C12orf42: variants seen among roughly 807,000 people sequenced by gnomAD.
C12orf42 encodes the protein chromosome 12 open reading frame 42, also known as uncharacterized protein C12orf42.
A neutral mutation model predicts 21.6 loss-of-function variants in C12orf42; 25 were observed. That is an observed-to-expected ratio of 1.16 (90% CI 0.84 to 1.62). The LOEUF is 1.62. Ranked by LOEUF, C12orf42 falls within the 40% of genes most tolerant of loss-of-function variation. The pLI is 0.00. For synonymous variants in C12orf42, 174 were observed against 175.0 expected (o/e 0.99, Z 0.05); for missense variants, 483 against 459.3 (o/e 1.05, Z -0.47).
upstream of C12orf42, among the ~76,000 whole-genome samples, chr12:103,497,236 A>G (rs145846565): frequency 4.0e-3 from 610 of 152,346 alleles, 3 homozygotes; most frequent in African/African-American, 0.014. Context: ...GAAGGGGAAA[A>G]GGTTTGTATG....
chr12:103,293,811 C>T (rs1450292028), intron 4 of C12orf42, among the ~76,000 whole-genome samples: 2 of 152,088 alleles, frequency 1.3e-5, no homozygotes, highest in Non-Finnish European at 2.9e-5. Flanking sequence ...TGAGAATACT[C>T]ATGTGTTCAG....
At chr12:103,552,947 G>A in the C12orf42 span, among the ~76,000 whole-genome samples, 1 of 152,104 alleles carries the variant, frequency 6.6e-6, no homozygotes, top group South Asian at 2.1e-4. Context: ...CAGATCTTAT[G>A]AGAACTCACT....
intron 3 of C12orf42, among the ~76,000 whole-genome samples, chr12:103,369,574 G>C (rs1314252201): frequency 6.6e-6 from 1 of 151,542 alleles, no homozygotes; most frequent in Non-Finnish European, 1.5e-5. Context: ...GAGAGGCAGG[G>C]GATAGGGAAG....
At chr12:103,201,930 C>A in the C12orf42 span, among the ~76,000 whole-genome samples, 55,748 of 151,408 alleles carry the variant, frequency 0.37, 10,932 homozygotes, top group South Asian at 0.45. Flanking sequence ...AGTAATTAGC[C>A]AAAAAAAAGC....
intron 3 of C12orf42, among the ~76,000 whole-genome samples, chr12:103,372,223 C>T (rs555382869): frequency 9.2e-5 from 14 of 152,246 alleles, no homozygotes; most frequent in African/African-American, 3.4e-4. Flanking sequence ...CAGTTCACCT[C>T]CGTTGAATTC....
chr12:103,199,435 A>G, the C12orf42 span, among the ~76,000 whole-genome samples: 8 of 152,336 alleles, frequency 5.3e-5, no homozygotes, highest in East Asian at 1.5e-3. Context: ...ATATGACACA[A>G]AAAACACAGG....
the C12orf42 span, among the ~76,000 whole-genome samples, chr12:103,223,678 G>T: frequency 6.6e-6 from 1 of 152,268 alleles, no homozygotes; most frequent in South Asian, 2.1e-4. Context: ...CTAGACAGAA[G>T]ATAGTAGGGA....
the C12orf42 span, among the ~76,000 whole-genome samples, chr12:103,204,061 C>G: frequency 6.6e-6 from 1 of 152,190 alleles, no homozygotes; most frequent in Non-Finnish European, 1.5e-5. Context: ...TCCCACTATG[C>G]AGGCACAGCT....
At chr12:103,450,073 A>ACCTAAT (rs1951843225) in intron 2 of C12orf42, among the ~76,000 whole-genome samples, 1 of 152,000 alleles carries the variant, frequency 6.6e-6, no homozygotes, top group Non-Finnish European at 1.5e-5. Context: ...TTAATTGTAT[A>ACCTAAT]TATTGATTAG....
chr12:103,515,977 G>T, the C12orf42 span, among the ~76,000 whole-genome samples: 1 of 152,194 alleles, frequency 6.6e-6, no homozygotes, highest in Non-Finnish European at 1.5e-5. Flanking sequence ...AGATGCACGT[G>T]CTGGATTGAG....
At chr12:103,088,379 A>G in the C12orf42 span, among the ~76,000 whole-genome samples, 6 of 152,240 alleles carry the variant, frequency 3.9e-5, no homozygotes, top group African/African-American at 1.4e-4. Flanking sequence ...GCCTGGAGTT[A>G]AACATTTATT....
chr12:103,368,278 C>G lies in C12orf42; in HGVS notation c.259+609G>C, dbSNP rs111899983. Reference sequence around the variant, plus strand: ...GGAAATCATCCTTCTACTATTCTCTCTCTTTATCTGCCTTTCTCTCTCTTT... The same window carrying G: ...GGAAATCATCCTTCTACTATTCTCTGTCTTTATCTGCCTTTCTCTCTCTTT... On this transcript the variant is annotated intron_variant, in intron 4 of 5. Transcript: ENST00000548883. 5.2e-3 allele frequency among the ~76,000 whole-genome samples: 787 copies of G among 151,370 alleles called. 4 individuals are homozygous for G. The highest frequency in any genetic ancestry group is 0.018 in the African/African-American group (739 of 41,174).
chr12:103,206,059 G>T, the C12orf42 span, among the ~76,000 whole-genome samples: 37 of 152,278 alleles, frequency 2.4e-4, no homozygotes, highest in African/African-American at 7.7e-4. Flanking sequence ...TCTTGGCCAC[G>T]GGGAACTTCT....
intron 10 of C12orf42, among the ~76,000 whole-genome samples, chr12:103,259,071 T>C (rs2034761762): frequency 6.6e-6 from 1 of 152,156 alleles, no homozygotes; most frequent in Non-Finnish European, 1.5e-5. Flanking sequence ...GGTACATGGA[T>C]AGGCAAACAG....
the C12orf42 span, among the ~76,000 whole-genome samples, chr12:103,118,818 C>T: frequency 7.4e-6 from 1 of 135,636 alleles, no homozygotes; most frequent in Non-Finnish European, 1.6e-5. Flanking sequence ...TAGTTTTATA[C>T]TATCAGATGG....
At chr12:103,264,604 A>G (rs551775186), downstream of C12orf42, among the ~76,000 whole-genome samples, 54 of 152,168 alleles carry the variant, frequency 3.5e-4, no homozygotes, top group African/African-American at 1.2e-3. Flanking sequence ...AATTCCTCCA[A>G]CCTGACATTG....
rs202209834 is a variant in C12orf42, at chr12:103,302,243, G to T, written c.948C>A (p.Ala316=). The T allele has an allele frequency of 9.3e-5, 150 of 1,612,000 alleles. 1 individual carries two copies. The Admixed American group carries it at 1.0e-3, about 11-fold the overall frequency. Residue 316 remains alanine, a synonymous_variant, in exon 6 of 6, where the codon GCC becomes GCA. Transcript: ENST00000548883. Reference sequence around the variant, plus strand: ...TGGAGGGGAAATGGGTGGAAGCACCGGCCAGCAGAGGAAGGGGCGCTCCTG... The same window carrying T: ...TGGAGGGGAAATGGGTGGAAGCACCTGCCAGCAGAGGAAGGGGCGCTCCTG... ...NLAGAPLPLL[A]GASTHFPSKR... is the part of the protein sequence containing the mutation.
At chr12:103,103,680 A>G in the C12orf42 span, among the ~76,000 whole-genome samples, 3 of 152,246 alleles carry the variant, frequency 2.0e-5, no homozygotes, top group Admixed American at 2.0e-4. Flanking sequence ...CACTGCATAC[A>G]AACATAAGTT....
downstream of C12orf42, among the ~76,000 whole-genome samples, chr12:103,298,113 G>A (rs568403263): frequency 3.5e-4 from 53 of 151,870 alleles, 1 homozygote; most frequent in Admixed American, 3.5e-3. Context: ...AGGGCAATCA[G>A]GCAGGAGAAA....
Sources: allele counts gnomAD v4.1 joint callset (sites outside exome capture counted in the v4.1 genomes callset), GRCh38; gene constraint gnomAD v4.1.1; transcripts MANE v1.5; gene names NCBI Gene and HGNC (gene_info 2026-07-23, HGNC 2026-07-21).